Variants in ELOVL4 observed in about 807,000 individuals in gnomAD.
The protein encoded by ELOVL4 is ELOVL fatty acid elongase 4.
Under a neutral mutation model 42.1 loss-of-function variants are expected in ELOVL4, and 18 were observed. That is an observed-to-expected ratio of 0.43 (90% CI 0.30 to 0.63). ELOVL4 has a LOEUF of 0.63. Ranked by LOEUF, ELOVL4 falls within the 30% of genes least tolerant of loss-of-function variation. ELOVL4 has a pLI of 0.15. For synonymous variants in ELOVL4, 117 were observed against 127.0 expected (o/e 0.92, Z 0.53); for missense variants, 299 against 376.2 (o/e 0.79, Z 1.70).
chr6:79,939,448 T>C (rs1774602889), intron 1 of ELOVL4, among the ~76,000 whole-genome samples: 1 of 152,038 alleles, frequency 6.6e-6, no homozygotes, highest in African/African-American at 2.4e-5. Context: ...CAGTTCTCCT[T>C]CTCCCCAGGC....
chr6:79,926,841 C>G (rs1357294333), intron 1 of ELOVL4, among the ~76,000 whole-genome samples: 1 of 152,118 alleles, frequency 6.6e-6, no homozygotes, highest in South Asian at 2.1e-4. Flanking sequence ...ACGTACGGGG[C>G]GATGGTAGCC....
At chr6:79,945,713 C>T (rs1182581330) in intron 1 of ELOVL4, among the ~76,000 whole-genome samples, 1 of 151,828 alleles carries the variant, frequency 6.6e-6, no homozygotes, top group East Asian at 1.9e-4. Context: ...TTTAAAGAAC[C>T]GAAATCACAG....
chr6:79,929,208 A>T (rs141850758), intron 1 of ELOVL4, among the ~76,000 whole-genome samples: 53 of 152,024 alleles, frequency 3.5e-4, no homozygotes, highest in African/African-American at 1.3e-3. Flanking sequence ...AGATTTTGAG[A>T]CAGTGGGTCA....
chr6:79,947,368 G>A lies in ELOVL4; in HGVS notation c.-89C>T. On this transcript the variant is annotated 5_prime_UTR_variant, in exon 1 of 6. Coordinates refer to ENST00000369816, the MANE Select transcript of ELOVL4 (RefSeq NM_022726.4). ...GAGGCGGTGGCGGCCGACGGGGCGA[G>A]CGGCGGCCGGGAACCCCTCTAACGG... The A allele has an allele frequency of 9.6e-7, 1 of 1,041,174 alleles. No individual in the cohort carries two copies. The highest frequency in any genetic ancestry group is 1.4e-6 in the Non-Finnish European group (1 of 692,644). The allele number at this position is 1,041,174 out of a possible 1,614,324, so 64.5% of individuals were successfully genotyped here.
rs114591106 is a variant in ELOVL4 at position 79,919,924 on chromosome 6, G to A, written c.542-377C>T. Among the ~76,000 whole-genome samples, 568 of 152,162 alleles carry A rather than the reference G, an allele frequency of 3.7e-3. 3 individuals carry two copies. Among genetic ancestry groups the A allele is most frequent in the African/African-American group, 0.013 (548 of 41,520 alleles). ...CAATATATATATCTGCAACAAAACA[G>A]TACTTATTTCTTAGGTTTCTAAATA... On this transcript the variant is annotated intron_variant, in intron 4 of 5. Coordinates refer to ENST00000369816, the MANE Select transcript of ELOVL4 (RefSeq NM_022726.4).
At chr6:79,942,275 C>A (rs1296041725) in intron 1 of ELOVL4, among the ~76,000 whole-genome samples, 2 of 152,122 alleles carry the variant, frequency 1.3e-5, no homozygotes, top group South Asian at 2.1e-4. Flanking sequence ...TGTTTCCTCC[C>A]ATCTCCTTTC....
chr6:79,942,186 A>G (rs1774658557), intron 1 of ELOVL4, among the ~76,000 whole-genome samples: 1 of 152,160 alleles, frequency 6.6e-6, no homozygotes, highest in African/African-American at 2.4e-5. Context: ...AGTTGGCTAG[A>G]GCTGCAGGTC....
chr6:79,928,729 T>TG (rs1774389756), intron 1 of ELOVL4, among the ~76,000 whole-genome samples: 1 of 127,740 alleles, frequency 7.8e-6, no homozygotes, highest in Non-Finnish European at 1.6e-5. Context: ...GTGACTGGGT[T>TG]TTTTTTTTTT....
chr6:79,945,018 C>CGAG lies in ELOVL4; in HGVS notation c.100+2159_100+2161dup, dbSNP rs140995973. On this transcript the variant is annotated intron_variant, in intron 1 of 5. Transcript: ENST00000369816. ...AAAAAAAAAAAAAAAAAAAGGAACA[C>CGAG]GAGGGGCATAGAATGAGGGAGAGTA... Among the ~76,000 whole-genome samples, 419 of 139,756 alleles carry CGAG rather than the reference C, an allele frequency of 3.0e-3. 1 individual carries two copies. Among genetic ancestry groups the CGAG allele is most frequent in the Non-Finnish European group, 4.7e-3 (308 of 65,424 alleles). The allele number at this position is 139,756 out of a possible 152,430, so 91.7% of individuals were successfully genotyped here.
chr6:79,941,448 T>G (rs1317221141), intron 1 of ELOVL4, among the ~76,000 whole-genome samples: 1 of 152,252 alleles, frequency 6.6e-6, no homozygotes, highest in African/African-American at 2.4e-5. Flanking sequence ...TTATATGTCT[T>G]GGAATCTTCA....
chr6:79,934,459 A>C (rs1435628601), intron 1 of ELOVL4, among the ~76,000 whole-genome samples: 2 of 152,264 alleles, frequency 1.3e-5, no homozygotes, highest in Admixed American at 1.3e-4. Flanking sequence ...AAGTATGCGA[A>C]GGTTCCTAGC....
chr6:79,947,074 C>CCA (rs1446037567), intron 1 of ELOVL4, 106 bp downstream of exon 1: 1 of 930,458 alleles, frequency 1.1e-6, no homozygotes, highest in Non-Finnish European at 1.7e-6. Context: ...CATCCGAAAG[C>CCA]CGCAGGGCGC....
chr6:79,947,186 T>C lies in ELOVL4; in HGVS notation c.94A>G (p.Ile32Val). The C allele has an allele frequency of 1.2e-6, 2 of 1,612,454 alleles. No individual in the cohort carries two copies. The highest frequency in any genetic ancestry group is 1.7e-6 in the Non-Finnish European group (2 of 1,179,150). ...TVEFYRWTWS[I>V]ADKRVENWPL... ...GGGAAGTCAGCGGCTTTACCTGCGATGGACCAGGTCCAGCGGTAGAACTCT... is the reference window on the plus strand; with the variant it reads ...GGGAAGTCAGCGGCTTTACCTGCGACGGACCAGGTCCAGCGGTAGAACTCT... Residue 32 changes from isoleucine (I) to valine (V), a missense_variant, in exon 1 of 6, where the codon ATC (isoleucine) becomes GTC (valine). By Grantham distance (29) the Ile-to-Val change is conservative (BLOSUM62 3). Transcript: ENST00000369816.
chr6:79,940,897 T>C (rs1386474378), intron 1 of ELOVL4, among the ~76,000 whole-genome samples: 2 of 152,200 alleles, frequency 1.3e-5, no homozygotes, highest in East Asian at 3.8e-4. Context: ...AGGTATAGTG[T>C]TACAGCAACA....
At chr6:79,931,714 A>T (rs1185307770) in intron 1 of ELOVL4, among the ~76,000 whole-genome samples, 1 of 151,562 alleles carries the variant, frequency 6.6e-6, no homozygotes, top group Admixed American at 6.6e-5. Flanking sequence ...CCTGGAAAAG[A>T]GAAAGAGGCC....
chr6:79,917,726 CAGA>C (rs1437593487), intron 5 of ELOVL4, among the ~76,000 whole-genome samples: 1 of 152,070 alleles, frequency 6.6e-6, no homozygotes, highest in Non-Finnish European at 1.5e-5. Flanking sequence ...GAGGCTGAAG[CAGA>C]AGAATAGCTT....
At position 79,916,718 on chromosome 6, in the gene ELOVL4, C is replaced by T. The variant is rs774701843; in HGVS notation, c.835G>A (p.Gly279Arg). ...TYKEPKKPKA[G>R]KTAMNGISAN... ...GAAATACCATTCATGGCTGTTTTTCCAGCTTTTGGTTTCTTAGGCTCTTTG... is the reference window on the plus strand; with the variant it reads ...GAAATACCATTCATGGCTGTTTTTCTAGCTTTTGGTTTCTTAGGCTCTTTG... The change falls in exon 6 of 6, where the codon GGA becomes AGA. Residue 279 changes from glycine (G) to arginine (R), a missense_variant. By Grantham distance (125) the Gly-to-Arg change is moderately radical (BLOSUM62 -2). Transcript: ENST00000369816. The T allele has an allele frequency of 6.4e-5, 103 of 1,613,848 alleles. No individual in the cohort carries two copies. The highest frequency in any genetic ancestry group is 8.5e-5 in the Non-Finnish European group (100 of 1,179,996).
Position 79,921,806 on chromosome 6 carries a change from G to T in ELOVL4, c.370-10C>A. ...ACAGAGCAGCAGCTATCTGTAAAAA[G>T]GGAAAGCGTGTTATAAACACCAAAA... On this transcript the variant is annotated splice_polypyrimidine_tract_variant and intron_variant, in intron 3 of 5. Coordinates refer to ENST00000369816, the MANE Select transcript of ELOVL4 (RefSeq NM_022726.4). 6.2e-7 allele frequency: 1 copy of T among 1,613,668 alleles called. No homozygotes were observed. The highest frequency in any genetic ancestry group is 1.1e-5 in the South Asian group (1 of 91,038).
chr6:79,915,221 A>G lies in ELOVL4; in HGVS notation c.*1387T>C, dbSNP rs1329811591. 1 of 152,422 alleles carries G rather than the reference A, an allele frequency of 6.6e-6. No individual in the cohort carries two copies. The highest frequency in any genetic ancestry group is 1.5e-5 in the Non-Finnish European group (1 of 67,998). The allele number at this position is 152,422 out of a possible 1,614,324, so 9.4% of individuals were successfully genotyped here. A position where few individuals can be genotyped will look rare whatever the true frequency, so the allele number is the denominator to read the frequency against. ...CTTTGCAACATCCCTTAAAAAATTAACCTATGTAGTAAAACATGATACAAA... is the reference window on the plus strand; with the variant it reads ...CTTTGCAACATCCCTTAAAAAATTAGCCTATGTAGTAAAACATGATACAAA... On this transcript the variant is annotated 3_prime_UTR_variant, in exon 6 of 6. Coordinates refer to ENST00000369816, the MANE Select transcript of ELOVL4 (RefSeq NM_022726.4).
Sources: allele counts gnomAD v4.1 joint callset (sites outside exome capture counted in the v4.1 genomes callset), GRCh38; gene constraint gnomAD v4.1.1; transcripts MANE v1.5; gene names NCBI Gene and HGNC (gene_info 2026-07-23, HGNC 2026-07-21).